UBAP2L: variants seen among roughly 807,000 people sequenced by gnomAD.
UBAP2L encodes the protein ubiquitin associated protein 2 like, also known as ubiquitin-associated protein 2-like.
A neutral mutation model predicts 130.6 loss-of-function variants in UBAP2L; 12 were observed. The observed-to-expected ratio is 0.09, with a 90% CI of 0.06 to 0.15. The LOEUF is 0.15. Among genes scored for constraint, UBAP2L ranks in the 10% least tolerant of loss-of-function variants. UBAP2L has a pLI of 1.00. For missense variants in UBAP2L, 965 were observed against 1,332.5 expected (o/e 0.72, Z 4.29); for synonymous variants, 503 against 524.7 (o/e 0.96, Z 0.57).
At chr1:154,231,883 G>A (rs1403240470) in intron 4 of UBAP2L, among the ~76,000 whole-genome samples, 3 of 152,126 alleles carry the variant, frequency 2.0e-5, no homozygotes, top group Admixed American at 2.0e-4. Flanking sequence ...CCTTAAAGGA[G>A]GATACTCTTA....
chr1:154,252,139 A>G (rs764608725), intron 14 of UBAP2L, among the ~76,000 whole-genome samples: 1 of 151,190 alleles, frequency 6.6e-6, no homozygotes, highest in Non-Finnish European at 1.5e-5. Flanking sequence ...ATAACCAGCA[A>G]ATTTTTGTAT....
Position 154,253,997 on chromosome 1 carries a change from C to G in UBAP2L, c.1762C>G (p.Gln588Glu). 1.2e-6 allele frequency: 2 copies of G among 1,606,470 alleles called. No individual in the cohort carries two copies. The highest frequency in any genetic ancestry group is 2.2e-5 in the South Asian group (2 of 90,082). ...STTYTSQNNAQGPLYEQRSTQ... is the reference protein window; with the variant it reads ...STTYTSQNNAEGPLYEQRSTQ... ...AACCTATACCTCCCAAAATAATGCTCAGGGCCCTCTTTATGAACAGAGATC... is the reference window on the plus strand; with the variant it reads ...AACCTATACCTCCCAAAATAATGCTGAGGGCCCTCTTTATGAACAGAGATC... Residue 588 changes from glutamine (Q) to glutamate (E), a missense_variant, in exon 15 of 27, where the codon CAG (glutamine) becomes GAG (glutamate). Transcript: ENST00000428931.
chr1:154,226,723 G>C (rs1442066046), intron 2 of UBAP2L, among the ~76,000 whole-genome samples: 3 of 152,232 alleles, frequency 2.0e-5, no homozygotes, highest in African/African-American at 7.2e-5. Flanking sequence ...GAGCGGTTCT[G>C]TGATTCTAAG....
chr1:154,260,236 G>C (rs547525843), intron 22 of UBAP2L, among the ~76,000 whole-genome samples: 3 of 152,122 alleles, frequency 2.0e-5, no homozygotes, highest in Non-Finnish European at 4.4e-5. Flanking sequence ...AGCCAGGCAT[G>C]GTAGCACACA....
intron 14 of UBAP2L, among the ~76,000 whole-genome samples, 184 bp downstream of exon 14, chr1:154,251,837 A>G (rs1677700573): frequency 6.6e-6 from 1 of 152,168 alleles, no homozygotes; most frequent in African/African-American, 2.4e-5. Context: ...CTAAACAGGT[A>G]GAAATATGCC....
chr1:154,231,798 C>T (rs1669922491), intron 4 of UBAP2L, among the ~76,000 whole-genome samples: 1 of 152,146 alleles, frequency 6.6e-6, no homozygotes. Context: ...TTTGTTTACT[C>T]ATCAGTGGAC....
rs780158312 is a variant in UBAP2L at position 154,254,041 on chromosome 1, C to T, written c.1806C>T (p.Tyr602=). ...AGAGATCCACACAGACTCGGCGGTA[C>T]CCCAGCTCCATCTCTTCATCACCCC... ...YEQRSTQTRR[Y]PSSISSSPQK... The change falls in exon 15 of 27, where the codon TAC becomes TAT. Residue 602 remains tyrosine, a synonymous_variant. Coordinates refer to ENST00000428931, the MANE Select transcript of UBAP2L (RefSeq NM_014847.4). 6.2e-7 allele frequency: 1 copy of T among 1,604,524 alleles called. No individual in the cohort carries two copies. The highest frequency in any genetic ancestry group is 8.5e-7 in the Non-Finnish European group (1 of 1,176,086).
At chr1:154,260,166 A>T in intron 22 of UBAP2L, 137 bp downstream of exon 22, 2 of 910,928 alleles carry the variant, frequency 2.2e-6, no homozygotes, top group Non-Finnish European at 3.4e-6. Flanking sequence ...TGGGCATGTC[A>T]TGGCTTTTCC....
intron 11 of UBAP2L, among the ~76,000 whole-genome samples, chr1:154,247,347 T>TG (rs531913999): frequency 3.2e-4 from 49 of 151,900 alleles, no homozygotes; most frequent in Admixed American, 5.3e-4. Context: ...TGAGAAGAGG[T>TG]GGGAGGAGAA....
At chr1:154,244,870 C>T (rs1674843715) in intron 10 of UBAP2L, among the ~76,000 whole-genome samples, 2 of 151,984 alleles carry the variant, frequency 1.3e-5, no homozygotes, top group South Asian at 4.2e-4. Context: ...TTAATAGCCA[C>T]CTCGCCTACA....
chr1:154,268,042 A>G (rs545213325), intron 25 of UBAP2L, among the ~76,000 whole-genome samples: 6 of 150,716 alleles, frequency 4.0e-5, no homozygotes, highest in African/African-American at 1.5e-4. Context: ...GGCATGTGCC[A>G]CCATGCCCGG....
intron 10 of UBAP2L, among the ~76,000 whole-genome samples, chr1:154,244,133 G>T (rs559441826): frequency 1.3e-5 from 2 of 151,984 alleles, no homozygotes; most frequent in Non-Finnish European, 1.5e-5. Flanking sequence ...TTTTTAATTC[G>T]CTGGAAACCT....
chr1:154,255,058 C>T, intron 16 of UBAP2L, 94 bp from the exon 17 acceptor site: 3 of 1,467,398 alleles, frequency 2.0e-6, no homozygotes, highest in Non-Finnish European at 9.3e-7. Context: ...ATAACTCATC[C>T]TTTTGTCTTT....
chr1:154,251,353 C>T, intron 13 of UBAP2L, 35 bp downstream of exon 13: 1 of 1,593,642 alleles, frequency 6.3e-7, no homozygotes, highest in East Asian at 2.2e-5. Flanking sequence ...CATTTTATGG[C>T]AAGGGGTGTG....
At chr1:154,250,547 T>C (rs138505610) in intron 12 of UBAP2L, among the ~76,000 whole-genome samples, 1 of 152,212 alleles carries the variant, frequency 6.6e-6, no homozygotes, top group East Asian at 1.9e-4. Context: ...TTGATTTAGT[T>C]AGGCTTTATT....
intron 15 of UBAP2L, 111 bp downstream of exon 15, chr1:154,254,200 G>A: frequency 9.5e-7 from 1 of 1,047,178 alleles, no homozygotes; most frequent in Admixed American, 3.5e-5. Context: ...TTTGGAAGTA[G>A]TGATTGAGAA....
In UBAP2L at chr1:154,270,765, TTTTTG is replaced by T. The variant is rs1356761253; in HGVS notation, c.*475_*479del. ...AGATGAATTAGTTGAAGTGGTTTTT[TTTTTG>T]TTTTTTTTTTTTTTTTGTACTGTGT... On this transcript the variant is annotated 3_prime_UTR_variant, in exon 27 of 27. Transcript: ENST00000428931. The T allele has an allele frequency of 0.01, 11,759 of 1,143,098 alleles. 18 individuals carry two copies. The highest frequency in any genetic ancestry group is 0.012 in the Non-Finnish European group (10,660 of 891,300). 70.8% of individuals were successfully genotyped at this position (1,143,098 alleles called of 1,614,324 possible).
chr1:154,253,835 T>C, intron 14 of UBAP2L, 65 bp from the exon 15 acceptor site: 1 of 1,512,256 alleles, frequency 6.6e-7, no homozygotes. Context: ...TCTCCACGAT[T>C]TCCTTAGTAT....
chr1:154,238,465 T>C (rs61355614), intron 8 of UBAP2L, among the ~76,000 whole-genome samples: 4,587 of 152,308 alleles, frequency 0.03, 235 homozygotes, highest in African/African-American at 0.11. Context: ...GCAGGTAAGA[T>C]GGCAGAAGTT....
Sources: gnomAD v4.1 joint callset for allele counts (sites outside exome capture counted in the v4.1 genomes callset) on GRCh38, gnomAD v4.1.1 for gene constraint, MANE v1.5 for transcripts, NCBI Gene and HGNC (gene_info 2026-07-23, HGNC 2026-07-21) for gene names.